The following SYT1 variants were observed in gnomAD, a reference collection of about 807,000 sequenced individuals.
SYT1 encodes the protein synaptotagmin-1.
SYT1 carries 8 observed loss-of-function variants against 44.8 expected under a neutral mutation model. That is an observed-to-expected ratio of 0.18 (90% confidence interval 0.10 to 0.32). SYT1 has a LOEUF of 0.32. Among genes scored for constraint, SYT1 ranks in the 10% least tolerant of loss-of-function variants. SYT1 has a pLI of 1.00. For missense variants in SYT1, 286 were observed against 509.3 expected (o/e 0.56, Z 4.22); for synonymous variants, 154 against 188.8 (o/e 0.82, Z 1.51).
chr12:79,056,870 C>A (rs1271202114), intron 3 of SYT1, among the ~76,000 whole-genome samples: 5 of 151,966 alleles, frequency 3.3e-5, no homozygotes, highest in Non-Finnish European at 7.4e-5. Context: ...TTTAAAACCT[C>A]AATTAATTAT....
At chr12:79,279,884 C>G (rs981360671) in intron 4 of SYT1, among the ~76,000 whole-genome samples, 4 of 152,028 alleles carry the variant, frequency 2.6e-5, no homozygotes, top group Non-Finnish European at 5.9e-5. Context: ...AACTCAATCC[C>G]ATTTATAATA....
chr12:79,018,229 C>A (rs1871939427), intron 2 of SYT1, among the ~76,000 whole-genome samples: 1 of 150,726 alleles, frequency 6.6e-6, no homozygotes, highest in Non-Finnish European at 1.5e-5. Flanking sequence ...TCATTCTCAG[C>A]AAACTATCGC....
intron 4 of SYT1, among the ~76,000 whole-genome samples, chr12:79,244,908 A>C (rs566976744): frequency 3.9e-5 from 6 of 152,034 alleles, no homozygotes; most frequent in Non-Finnish European, 8.8e-5. Context: ...GAGAACTTTA[A>C]AAGTTACTCA....
At chr12:79,085,269 T>C (rs1405982576) in intron 3 of SYT1, among the ~76,000 whole-genome samples, 4 of 152,038 alleles carry the variant, frequency 2.6e-5, no homozygotes, top group Non-Finnish European at 5.9e-5. Context: ...CAGTGAAAAA[T>C]TAATGTGGCA....
intron 5 of SYT1, 68 bp downstream of exon 5, chr12:79,286,039 C>G (rs951908851): frequency 4.0e-6 from 6 of 1,484,170 alleles, no homozygotes; most frequent in African/African-American, 1.4e-5. Context: ...TTATTTTATG[C>G]CATATAATTA....
chr12:79,001,130 T>A (rs1870711476), intron 2 of SYT1, among the ~76,000 whole-genome samples: 1 of 152,150 alleles, frequency 6.6e-6, no homozygotes, highest in South Asian at 2.1e-4. Flanking sequence ...CCAGGAGATT[T>A]CTAGTTTAAA....
At chr12:79,265,037 A>G (rs1002763013) in intron 4 of SYT1, among the ~76,000 whole-genome samples, 8 of 151,936 alleles carry the variant, frequency 5.3e-5, no homozygotes, top group Non-Finnish European at 1.2e-4. Context: ...TTTTATCTAG[A>G]CAGCTTTTAT....
intron 9 of SYT1, among the ~76,000 whole-genome samples, chr12:79,436,425 C>T (rs1298281033): frequency 2.0e-5 from 3 of 152,006 alleles, no homozygotes; most frequent in Admixed American, 6.6e-5. Context: ...ATGGTAGAAA[C>T]GGAAAGGCCA....
At chr12:78,898,838 T>G (rs1048967106) in intron 1 of SYT1, among the ~76,000 whole-genome samples, 1 of 152,154 alleles carries the variant, frequency 6.6e-6, no homozygotes, top group South Asian at 2.1e-4. Context: ...AACATCACAA[T>G]TTTTTAACAT....
Position 79,217,628 on chromosome 12 carries a change from G to A in SYT1, c.109G>A (p.Glu37Lys), listed in dbSNP as rs763002892. 14 of 1,613,112 alleles carry A rather than the reference G, an allele frequency of 8.7e-6. No individual in the cohort carries two copies. The highest frequency in any genetic ancestry group is 1.2e-5 in the Non-Finnish European group (14 of 1,179,610). The change falls in exon 4 of 11, where the codon GAA becomes AAA. Residue 37 changes from glutamate (E) to lysine (K), a missense_variant. Around this residue, in one of 6 missense-constraint regions of SYT1, gnomAD observed 141 missense variants for 165.7 expected, o/e 0.85. Coordinates refer to ENST00000261205, the MANE Select transcript of SYT1 (RefSeq NM_005639.3). Reference protein sequence around the residue: ...TEPASPGEGKEDAFSKLKEKF... With the variant: ...TEPASPGEGKKDAFSKLKEKF... ...GCCAGCCAGTCCTGGAGAAGGAAAG[G>A]AAGATGCATTTTCTAAGCTGAAGGA...
chr12:79,129,332 C>T (rs1868654566), intron 3 of SYT1, among the ~76,000 whole-genome samples: 2 of 152,132 alleles, frequency 1.3e-5, no homozygotes, highest in South Asian at 4.1e-4. Flanking sequence ...CAATGGAAAA[C>T]AGAACACAGT....
intron 9 of SYT1, among the ~76,000 whole-genome samples, chr12:79,368,849 G>T (rs1020987643): frequency 3.3e-5 from 5 of 152,276 alleles, no homozygotes; most frequent in African/African-American, 9.6e-5. Flanking sequence ...TCTGTAGGTT[G>T]CCTGTTCACT....
At chr12:79,324,331 T>C (rs532002319) in intron 8 of SYT1, among the ~76,000 whole-genome samples, 1 of 152,306 alleles carries the variant, frequency 6.6e-6, no homozygotes, top group African/African-American at 2.4e-5. Flanking sequence ...GACCGTGCTT[T>C]CAGAATTCAG....
intron 3 of SYT1, among the ~76,000 whole-genome samples, chr12:79,185,727 A>G: frequency 6.6e-6 from 1 of 152,042 alleles, no homozygotes; most frequent in East Asian, 1.9e-4. Flanking sequence ...AATATCCATA[A>G]TTACATACCA....
At chr12:78,909,196 A>G (rs1012160273) in intron 1 of SYT1, among the ~76,000 whole-genome samples, 10 of 151,864 alleles carry the variant, frequency 6.6e-5, no homozygotes. Flanking sequence ...AATATTTCCA[A>G]GGTGAATGGT....
At chr12:79,122,403 A>C (rs1479745021) in intron 3 of SYT1, among the ~76,000 whole-genome samples, 2 of 145,060 alleles carry the variant, frequency 1.4e-5, no homozygotes, top group East Asian at 4.2e-4. Context: ...AGTCCCAGCT[A>C]CTCGGGAGGC....
intron 2 of SYT1, among the ~76,000 whole-genome samples, chr12:79,012,785 G>A (rs912311934): frequency 3.9e-5 from 6 of 152,140 alleles, no homozygotes; most frequent in Non-Finnish European, 7.4e-5. Context: ...CCTCTTTCCG[G>A]ACTGCCACTG....
chr12:79,192,938 C>T (rs1339342694), intron 3 of SYT1, among the ~76,000 whole-genome samples: 2 of 152,120 alleles, frequency 1.3e-5, no homozygotes, highest in African/African-American at 4.8e-5. Context: ...TCAAGTGATT[C>T]CTTTCAATAC....
chr12:78,958,852 G>A (rs1412111808), intron 1 of SYT1, among the ~76,000 whole-genome samples: 2 of 152,068 alleles, frequency 1.3e-5, no homozygotes, highest in African/African-American at 4.8e-5. Context: ...TAGTATCTGA[G>A]AAAAATATTT....
Sources: allele counts gnomAD v4.1 joint callset (sites outside exome capture counted in the v4.1 genomes callset), GRCh38; gene constraint gnomAD v4.1.1; regional missense constraint gnomAD v4.1.1; transcripts MANE v1.5; gene names NCBI Gene and HGNC (gene_info 2026-07-23, HGNC 2026-07-21).